The following GDAP1 variants were observed in gnomAD, a reference collection of about 807,000 sequenced individuals.
The protein encoded by GDAP1 is ganglioside induced differentiation associated protein 1.
A neutral mutation model predicts 40.1 loss-of-function variants in GDAP1; 34 were observed. The observed-to-expected ratio is 0.85, with a 90% CI of 0.64 to 1.13. The LOEUF (loss-of-function observed/expected upper bound fraction) is 1.13, where lower values mean the gene tolerates loss of function less well. Ranked by LOEUF, GDAP1 falls within the 50% of genes most tolerant of loss-of-function variation. The pLI, the probability that GDAP1 is intolerant of heterozygous loss-of-function variation, is 0.00. For synonymous variants in GDAP1, 170 were observed against 157.4 expected (o/e 1.08, Z -0.60); for missense variants, 374 against 433.7 (o/e 0.86, Z 1.22).
chr8:74,428,212 G>A (rs1164093637), intron 2 of GDAP1, among the ~76,000 whole-genome samples: 1 of 145,048 alleles, frequency 6.9e-6, no homozygotes, highest in African/African-American at 2.6e-5. Context: ...GGGCCACATA[G>A]TGAGACCCCA....
intron 4 of GDAP1, among the ~76,000 whole-genome samples, chr8:74,362,354 C>T (rs1809410900): frequency 6.6e-6 from 1 of 152,114 alleles, no homozygotes; most frequent in Non-Finnish European, 1.5e-5. Context: ...GCTTTATGGT[C>T]AGCCTTTCTC....
chr8:74,372,941 G>A (rs1809780192), intron 2 of GDAP1, among the ~76,000 whole-genome samples: 1 of 152,110 alleles, frequency 6.6e-6, no homozygotes, highest in Non-Finnish European at 1.5e-5. Context: ...ATTAATTTTT[G>A]TATAAGATGT....
At chr8:74,399,202 T>TCAAAGAATGTAAGATA (rs1563458044) in intron 2 of GDAP1, among the ~76,000 whole-genome samples, 25 of 150,254 alleles carry the variant, frequency 1.7e-4, no homozygotes, top group African/African-American at 6.3e-4. Flanking sequence ...GTTGGTAAGC[T>TCAAAGAATGTAAGATA]ATTGATTATT....
At chr8:74,484,445 C>A (rs185773699) in intron 2 of GDAP1, among the ~76,000 whole-genome samples, 1 of 152,062 alleles carries the variant, frequency 6.6e-6, no homozygotes, top group South Asian at 2.1e-4. Context: ...CTAAGGATAT[C>A]GGAAAATAAT....
intron 2 of GDAP1, among the ~76,000 whole-genome samples, chr8:74,466,756 C>G (rs1324584282): frequency 6.6e-6 from 1 of 152,182 alleles, no homozygotes; most frequent in Admixed American, 6.5e-5. Flanking sequence ...GTCTGGTGTG[C>G]AGGTGAGAGT....
chr8:74,436,817 T>C (rs1806095178), intron 2 of GDAP1, among the ~76,000 whole-genome samples: 1 of 152,118 alleles, frequency 6.6e-6, no homozygotes. Context: ...AGATAATCAG[T>C]TTCTGTTTCC....
At position 74,351,372 on chromosome 8, in the gene GDAP1, C is replaced by T. The variant is rs760859999; in HGVS notation, c.216C>T (p.Asn72=). The change falls in exon 2 of 6, where the codon AAC becomes AAT. Residue 72 remains asparagine (N), a synonymous_variant. Coordinates refer to ENST00000220822, the MANE Select transcript of GDAP1 (RefSeq NM_018972.4). The stretch of plus-strand genomic sequence containing the variant: ...ATGAGCCTTGGTTTATGCGTTTGAA[C>T]TCAACTGGAGAAGTGCCTGTCCTTA... The part of the protein sequence containing the change: ...EHNEPWFMRL[N]STGEVPVLIH... 4 of 1,613,716 alleles carry T rather than the reference C, an allele frequency of 2.5e-6. No individual in the cohort carries two copies. In the Admixed American group the frequency reaches 5.0e-5, roughly 20 times the overall value.
intron 2 of GDAP1, among the ~76,000 whole-genome samples, chr8:74,438,449 C>T (rs531387213): frequency 6.6e-5 from 10 of 152,208 alleles, no homozygotes; most frequent in East Asian, 1.9e-4. Flanking sequence ...TCTAATCTAA[C>T]GTGTGTGAAA....
intron 2 of GDAP1, among the ~76,000 whole-genome samples, chr8:74,399,202 T>TCAAAGAATGTAAGATAA (rs1563458044): frequency 2.5e-4 from 37 of 150,218 alleles, no homozygotes; most frequent in African/African-American, 8.9e-4. Flanking sequence ...GTTGGTAAGC[T>TCAAAGAATGTAAGATAA]ATTGATTATT....
intron 2 of GDAP1, among the ~76,000 whole-genome samples, chr8:74,472,124 T>C (rs1460995970): frequency 1.3e-5 from 2 of 152,262 alleles, no homozygotes; most frequent in East Asian, 3.9e-4. Context: ...TCAGTGTCTG[T>C]TGTTCCCTTT....
rs375431837 is a variant in GDAP1, at chr8:74,364,135, G to A, written c.845G>A (p.Arg282His). 1.2e-5 allele frequency: 19 copies of A among 1,614,056 alleles called. No homozygotes were observed. The highest frequency in any genetic ancestry group is 1.6e-4 in the Middle Eastern group (1 of 6,084). ...KRPNLETYYERVLKRKTFNKV... is the reference protein window; with the variant it reads ...KRPNLETYYEHVLKRKTFNKV... The stretch of plus-strand genomic sequence containing the variant: ...CCAAACTTGGAAACCTATTACGAGC[G>A]TGTCTTGAAGAGAAAAACATTTAAC... Residue 282 changes from arginine (R) to histidine (H), a missense_variant, in exon 6 of 6, where the codon CGT becomes CAT. Physicochemically the swap from Arg to His is conservative, Grantham distance 29. Coordinates refer to ENST00000220822, the MANE Select transcript of GDAP1 (RefSeq NM_018972.4).
chr8:74,468,932 A>G (rs1376854328), intron 2 of GDAP1, among the ~76,000 whole-genome samples: 2 of 152,076 alleles, frequency 1.3e-5, no homozygotes, highest in East Asian at 3.9e-4. Context: ...GGCAAAGAAT[A>G]TTTTCTTATC....
intron 2 of GDAP1, among the ~76,000 whole-genome samples, chr8:74,410,249 A>G (rs1667531757): frequency 6.7e-6 from 1 of 149,748 alleles, no homozygotes; most frequent in Non-Finnish European, 1.5e-5. Flanking sequence ...TACAGCATTC[A>G]CGGGGAGAAG....
At chr8:74,460,357 C>G (rs1377774132) in intron 2 of GDAP1, among the ~76,000 whole-genome samples, 3 of 152,222 alleles carry the variant, frequency 2.0e-5, no homozygotes, top group African/African-American at 7.2e-5. Flanking sequence ...GTTTCTGGCT[C>G]TGAACCTTCC....
At chr8:74,362,549 G>A (rs1372472644) in intron 4 of GDAP1, among the ~76,000 whole-genome samples, 3 of 152,120 alleles carry the variant, frequency 2.0e-5, no homozygotes, top group Non-Finnish European at 2.9e-5. Flanking sequence ...TCCACTCGCC[G>A]TTTAACTCCT....
At chr8:74,362,803 TTGCTGA>T in intron 4 of GDAP1, 130 bp from the exon 5 acceptor site, 2 of 439,916 alleles carry the variant, frequency 4.5e-6, no homozygotes, top group Non-Finnish European at 8.0e-6. Flanking sequence ...TTTTTTTTTT[TTGCTGA>T]GTTTTTCTAT....
chr8:74,421,999 G>A (rs1487951059), intron 2 of GDAP1, among the ~76,000 whole-genome samples: 1 of 152,062 alleles, frequency 6.6e-6, no homozygotes, highest in African/African-American at 2.4e-5. Flanking sequence ...TCTTGCCACA[G>A]CTTAGTTAGC....
intron 2 of GDAP1, among the ~76,000 whole-genome samples, chr8:74,403,761 G>A (rs1009565034): frequency 7.3e-5 from 11 of 150,220 alleles, no homozygotes; most frequent in Non-Finnish European, 1.2e-4. Context: ...CATTAGAAGC[G>A]TACTGCCTGT....
chr8:74,366,795 T>C lies in GDAP1; in HGVS notation c.*2428T>C. ...CCAGCGTTGTAGATTTTTGGTGTTG[T>C]TGAATGCAGTAGAGAGACCAAGACA... On this transcript the variant is annotated 3_prime_UTR_variant, in exon 6 of 6. Coordinates refer to ENST00000220822, the MANE Select transcript of GDAP1 (RefSeq NM_018972.4). 4.4e-6 allele frequency: 2 copies of C among 453,902 alleles called. No homozygotes were observed. The highest frequency in any genetic ancestry group is 8.8e-6 in the Non-Finnish European group (2 of 226,688). The allele number at this position is 453,902 out of a possible 1,614,324, so 28.1% of individuals were successfully genotyped here.
Sources: allele counts gnomAD v4.1 joint callset (sites outside exome capture counted in the v4.1 genomes callset), GRCh38; gene constraint gnomAD v4.1.1; transcripts MANE v1.5; gene names NCBI Gene and HGNC (gene_info 2026-07-23, HGNC 2026-07-21).